Variants in CARS2 observed in about 807,000 individuals in gnomAD.
The protein encoded by CARS2 is probable cysteine--tRNA ligase, mitochondrial.
A neutral mutation model predicts 68.8 loss-of-function variants in CARS2; 52 were observed. That is an observed-to-expected ratio of 0.76 (90% CI 0.61 to 0.95). CARS2 has a LOEUF of 0.95. CARS2 is among the 40% of genes least tolerant of loss of function. CARS2 has a pLI of 0.00. For missense variants in CARS2, 780 were observed against 754.2 expected, an observed-to-expected ratio of 1.03 and a Z score of -0.40; for synonymous variants, 314 against 303.6, an observed-to-expected ratio of 1.03 and a Z score of -0.36.
At chr13:110,669,440 C>T (rs894816546) in intron 7 of CARS2, among the ~76,000 whole-genome samples, 1 of 152,220 alleles carries the variant, frequency 6.6e-6, no homozygotes, top group African/African-American at 2.4e-5. Flanking sequence ...ATCTGAAAAT[C>T]TCTGATGTAG....
At chr13:110,678,114 A>T (rs2063023421) in intron 6 of CARS2, 1 of 152,362 alleles carries the variant, frequency 6.6e-6, no homozygotes, top group Non-Finnish European at 1.5e-5. Context: ...GCGGCCGGGA[A>T]CCCACAGAGG....
chr13:110,694,971 C>T (rs559661844), intron 3 of CARS2, among the ~76,000 whole-genome samples: 9 of 152,038 alleles, frequency 5.9e-5, no homozygotes, highest in Non-Finnish European at 7.4e-5. Flanking sequence ...TGGGTTCAAT[C>T]GATCTCATAT....
At chr13:110,663,636 T>C in intron 8 of CARS2, 118 bp from the exon 9 acceptor site, 1 of 1,456,946 alleles carries the variant, frequency 6.9e-7, no homozygotes, top group East Asian at 2.5e-5. Flanking sequence ...TATAGACCAG[T>C]GTATGTTGGT....
chr13:110,711,224 CTCT>C (rs2064024424), upstream of CARS2, among the ~76,000 whole-genome samples: 1 of 93,990 alleles, frequency 1.1e-5, no homozygotes, highest in Non-Finnish European at 2.8e-5. Flanking sequence ...GTCTTTTTTT[CTCT>C]TTTTTTCCGG....
At chr13:110,664,709 C>G in intron 8 of CARS2, 2 of 913,718 alleles carry the variant, frequency 2.2e-6, no homozygotes, top group Non-Finnish European at 2.6e-6. Context: ...TCCCAAATTC[C>G]TGTCAAAATC....
exon 1 of CARS2, chr13:110,713,500 C>T: frequency 2.0e-6 from 2 of 986,956 alleles, no homozygotes; most frequent in South Asian, 9.1e-5. Flanking sequence ...GTCCCCTCCG[C>T]GACCCTCGCC....
Position 110,705,457 on chromosome 13 carries a change from A to T in CARS2, c.275+64T>A. 8.5e-7 allele frequency: 1 copy of T among 1,175,218 alleles called. No homozygotes were observed. Among genetic ancestry groups the T allele is most frequent in the South Asian group, 1.5e-5 (1 of 68,450 alleles). 72.8% of individuals were successfully genotyped at this position (1,175,218 alleles called of 1,614,324 possible). ...TGCCACTTAAGAGATAAAAGAAATC[A>T]GCAAAAGGCTTTCAAAAATAAATGG... On this transcript the variant is annotated intron_variant, in intron 2 of 14. Coordinates refer to ENST00000257347, the MANE Select transcript of CARS2 (RefSeq NM_024537.4). This position sits in a 1 kb window ranked among gnomAD's most constrained non-coding sequence, Gnocchi z 4.0.
chr13:110,691,065 G>A (rs2063445848), intron 3 of CARS2, among the ~76,000 whole-genome samples: 1 of 151,922 alleles, frequency 6.6e-6, no homozygotes, highest in South Asian at 2.1e-4. Flanking sequence ...GTCCACGCTG[G>A]AGTGCAATGG....
intron 3 of CARS2, among the ~76,000 whole-genome samples, chr13:110,694,380 G>A (rs2063560850): frequency 6.7e-6 from 1 of 149,510 alleles, no homozygotes; most frequent in East Asian, 2.1e-4. Flanking sequence ...GCTCACGCCT[G>A]TAATCCCAGC....
chr13:110,705,735 G>T lies in CARS2; in HGVS notation c.224+135C>A. The T allele has an allele frequency of 6.5e-7, 1 of 1,535,240 alleles. No individual in the cohort carries two copies. Among genetic ancestry groups the T allele is most frequent in the Non-Finnish European group, 8.8e-7 (1 of 1,141,912 alleles). On this transcript the variant is annotated intron_variant, in intron 1 of 14. Transcript: ENST00000257347. The surrounding 1 kb of genome is among the most constrained non-coding windows in gnomAD (Gnocchi z 4.0). ...TCACACCCAAACCTGCAAAAGCACC[G>T]CGCACCCCCAGCTTCTAGAACGGCG... is the stretch of plus-strand genomic sequence containing the variant.
intron 9 of CARS2, among the ~76,000 whole-genome samples, chr13:110,658,208 TG>T (rs1335995796): frequency 6.6e-6 from 1 of 152,222 alleles, no homozygotes; most frequent in Admixed American, 6.5e-5. Flanking sequence ...AAGGAAATTT[TG>T]ACATGGAATA....
intron 8 of CARS2, 145 bp from the exon 9 acceptor site, chr13:110,663,663 A>C: frequency 2.1e-6 from 3 of 1,413,350 alleles, no homozygotes; most frequent in East Asian, 2.7e-5. Context: ...CTGCCCCCAA[A>C]TCTTCACCCG....
Position 110,687,808 on chromosome 13 carries a change from A to G in CARS2, c.484T>C (p.Tyr162His). 6.2e-7 allele frequency: 1 copy of G among 1,610,526 alleles called. No homozygotes were observed. The highest frequency in any genetic ancestry group is 1.3e-5 in the African/African-American group (1 of 74,950). Residue 162 changes from tyrosine to histidine, a missense_variant, in exon 5 of 15, where the codon TAC (tyrosine) becomes CAC (histidine). Transcript: ENST00000257347. ...GGAATATTTTCGGTTACCCTCAGGT[A>G]CACCGTGGGTGGGAGAACCTGCAAG... ...AALKVLPPTV[Y>H]LRVTENIPQI... is the part of the protein sequence containing the mutation.
Position 110,705,808 on chromosome 13 carries a change from C to T in CARS2, c.224+62G>A. ...GCCCTCCCCGAGCCCAGATCCCGTT[C>T]AGCCGTGGGAAGTCTCCGCCACGAT... is the stretch of plus-strand genomic sequence containing the variant. On this transcript the variant is annotated intron_variant, in intron 1 of 14. Coordinates refer to ENST00000257347, the MANE Select transcript of CARS2 (RefSeq NM_024537.4). This position sits in a 1 kb window ranked among gnomAD's most constrained non-coding sequence, Gnocchi z 4.0. 6.6e-7 allele frequency: 1 copy of T among 1,525,596 alleles called. No homozygotes were observed. The allele number at this position is 1,525,596 out of a possible 1,614,324, so 94.5% of individuals were successfully genotyped here.
intron 3 of CARS2, among the ~76,000 whole-genome samples, chr13:110,691,344 C>A (rs2063455035): frequency 6.6e-6 from 1 of 152,088 alleles, no homozygotes; most frequent in African/African-American, 2.4e-5. Context: ...AAGAAATTAA[C>A]CTTTTATCGC....
chr13:110,642,381 C>A lies in CARS2; in HGVS notation c.1557G>T (p.Arg519Ser). Residue 519 changes from arginine (R) to serine (S), a missense_variant, in exon 14 of 15, where the codon AGG becomes AGT. Coordinates refer to ENST00000257347, the MANE Select transcript of CARS2 (RefSeq NM_024537.4). ...TGTCGCATGCTTCCAGCAGGGGCTG[C>A]CTTTCTAGGAGCTGCTGCCGCCGGG... ...GDARRQQLLE[R>S]QPLLEACDTL... 6.4e-7 allele frequency: 1 copy of A among 1,563,846 alleles called. No homozygotes were observed. Among genetic ancestry groups the A allele is most frequent in the Non-Finnish European group, 8.7e-7 (1 of 1,153,864 alleles).
chr13:110,712,421 C>T (rs1011671541), intron 1 of CARS2: 2 of 187,230 alleles, frequency 1.1e-5, no homozygotes, highest in Non-Finnish European at 2.2e-5. Context: ...CCGCGGCGGC[C>T]GCAGCGGGGC....
chr13:110,705,988 C>T lies in CARS2; in HGVS notation c.106G>A (p.Gly36Arg), dbSNP rs1361058754. ...WHWPAGRAAS[G>R]GRGRAWLQPT... ...TGCAGCCAGGCCCGCCCGCGCCCCC[C>T]GCTCGCCGCCCGGCCCGCAGGCCAG... The change falls in exon 1 of 15, where the codon GGG (glycine) becomes AGG (arginine). Residue 36 changes from glycine to arginine, a missense_variant. Gly to Arg is a moderately radical substitution (Grantham distance 125). Transcript: ENST00000257347. The surrounding 1 kb of genome is among the most constrained non-coding windows in gnomAD (Gnocchi z 4.0). 2 of 1,504,148 alleles carry T rather than the reference C, an allele frequency of 1.3e-6. No homozygotes were observed. The highest frequency in any genetic ancestry group is 2.1e-5 in the Admixed American group (1 of 46,714). The allele number at this position is 1,504,148 out of a possible 1,614,324, so 93.2% of individuals were successfully genotyped here. A position where few individuals can be genotyped will look rare whatever the true frequency, so the allele number is the denominator to read the frequency against.
At chr13:110,713,272 T>C (rs1594449288) in exon 1 of CARS2, 3 of 1,305,366 alleles carry the variant, frequency 2.3e-6, no homozygotes, top group East Asian at 6.0e-5. Context: ...AGTCAGGGGC[T>C]GAGGAGCGAG....
Sources: allele counts gnomAD v4.1 joint callset (sites outside exome capture counted in the v4.1 genomes callset), GRCh38; gene constraint gnomAD v4.1.1; non-coding constraint Gnocchi (gnomAD v3.1); transcripts MANE v1.5; gene names NCBI Gene and HGNC (gene_info 2026-07-23, HGNC 2026-07-21).